Variants in SANBR observed in about 807,000 individuals in gnomAD.
The protein encoded by SANBR is SANT and BTB domain regulator of CSR.
A neutral mutation model predicts 101.8 loss-of-function variants in SANBR; 77 were observed. That is an observed-to-expected ratio of 0.76 (90% CI 0.63 to 0.91). The LOEUF (loss-of-function observed/expected upper bound fraction) is 0.91, where lower values mean the gene tolerates loss of function less well. Ranked by LOEUF, SANBR falls within the 40% of genes least tolerant of loss-of-function variation. The pLI is 0.00. For missense variants in SANBR, 875 were observed against 853.0 expected (o/e 1.03, Z -0.32); for synonymous variants, 279 against 274.7 (o/e 1.02, Z -0.15).
chr2:61,081,242 C>T (rs1010776755), intron 6 of SANBR, among the ~76,000 whole-genome samples: 11 of 151,974 alleles, frequency 7.2e-5, no homozygotes, highest in South Asian at 2.1e-4. Context: ...ATGAATCTAA[C>T]GCCAGGGTAA....
chr2:61,129,537 T>A (rs1224994105), intron 20 of SANBR, among the ~76,000 whole-genome samples: 1 of 152,076 alleles, frequency 6.6e-6, no homozygotes, highest in Non-Finnish European at 1.5e-5. Context: ...ACGACATGCA[T>A]ATTTCTTTTC....
At chr2:61,092,666 A>G in intron 11 of SANBR, 79 bp downstream of exon 11, 1 of 1,143,470 alleles carries the variant, frequency 8.7e-7, no homozygotes, top group Non-Finnish European at 1.2e-6. Context: ...TTTAATTGAT[A>G]TGTTTAAATG....
At chr2:61,112,769 A>G (rs953461873) in intron 16 of SANBR, among the ~76,000 whole-genome samples, 1 of 152,238 alleles carries the variant, frequency 6.6e-6, no homozygotes, top group African/African-American at 2.4e-5. Flanking sequence ...CTGGGATTAC[A>G]GGCATGAGCC....
Position 61,071,708 on chromosome 2 carries a change from G to T in SANBR, c.253G>T (p.Ala85Ser). The change falls in exon 4 of 22, where the codon GCC becomes TCC. Residue 85 changes from alanine to serine, a missense_variant. Transcript: ENST00000402291. Reference sequence around the variant, plus strand: ...TGGAGAGAGTCCTGTTGAAACTTTAGCCACATATATCAAATCCTCACTTCT... The same window carrying T: ...TGGAGAGAGTCCTGTTGAAACTTTATCCACATATATCAAATCCTCACTTCT... ...AAGESPVETLATYIKSSLLDI... is the reference protein window; with the variant it reads ...AAGESPVETLSTYIKSSLLDI... 6.2e-7 allele frequency: 1 copy of T among 1,608,086 alleles called. No homozygotes were observed. The highest frequency in any genetic ancestry group is 8.5e-7 in the Non-Finnish European group (1 of 1,177,964).
chr2:61,067,578 A>G (rs929688790), intron 1 of SANBR, among the ~76,000 whole-genome samples: 6 of 152,170 alleles, frequency 3.9e-5, no homozygotes, highest in Admixed American at 1.3e-4. Flanking sequence ...TCTACTAAAA[A>G]TACAAAAATT....
At chr2:61,128,258 C>T (rs900698451), downstream of SANBR, among the ~76,000 whole-genome samples, 8 of 146,064 alleles carry the variant, frequency 5.5e-5, no homozygotes, top group African/African-American at 7.7e-5. Flanking sequence ...GGTGACACAG[C>T]GAGACTCTGT....
intron 21 of SANBR, among the ~76,000 whole-genome samples, chr2:61,134,552 AT>A (rs1158943963): frequency 6.6e-6 from 1 of 152,130 alleles, no homozygotes; most frequent in Non-Finnish European, 1.5e-5. Flanking sequence ...TTTTGTTGTT[AT>A]TGGTCTTGTT....
intron 12 of SANBR, among the ~76,000 whole-genome samples, chr2:61,101,491 T>C (rs112575681): frequency 6.6e-6 from 1 of 152,134 alleles, no homozygotes; most frequent in East Asian, 1.9e-4. Flanking sequence ...CCCAGCACTT[T>C]GGGAGGCTGA....
chr2:61,109,684 T>A (rs1399960981), intron 16 of SANBR, among the ~76,000 whole-genome samples: 1 of 146,670 alleles, frequency 6.8e-6, no homozygotes, highest in Non-Finnish European at 1.5e-5. Context: ...TGTGTTTGTT[T>A]TTTTTTTTTT....
downstream of SANBR, among the ~76,000 whole-genome samples, chr2:61,125,358 T>C (rs1684484187): frequency 6.6e-6 from 1 of 152,212 alleles, no homozygotes; most frequent in South Asian, 2.1e-4. Flanking sequence ...GTATATGTAT[T>C]TAGTGCAAGA....
chr2:61,067,937 C>A (rs1158540998), intron 1 of SANBR, among the ~76,000 whole-genome samples: 1 of 152,204 alleles, frequency 6.6e-6, no homozygotes, highest in Non-Finnish European at 1.5e-5. Context: ...TGCACATCCC[C>A]ATCTATACTT....
chr2:61,088,492 C>A (rs1348128829), intron 10 of SANBR, 24 bp downstream of exon 10: 1 of 1,383,926 alleles, frequency 7.2e-7, no homozygotes, highest in Non-Finnish European at 1.0e-6. Flanking sequence ...AAAATACATA[C>A]ATGTATTTTT....
At position 61,123,688 on chromosome 2, in the gene SANBR, C is replaced by A; in HGVS notation, c.*1526C>A. On this transcript the variant is annotated 3_prime_UTR_variant, in exon 22 of 22. Coordinates refer to ENST00000402291, the MANE Select transcript of SANBR (RefSeq NM_001129993.3). ...ACTAGATAAGGAAAAAATATATATG[C>A]TCTTTTGATTTTTAACTGATGGTAA... is the stretch of plus-strand genomic sequence containing the variant. 1 of 984,986 alleles carries A rather than the reference C, an allele frequency of 1.0e-6. No homozygotes were observed. Among genetic ancestry groups the A allele is most frequent in the Non-Finnish European group, 1.2e-6 (1 of 829,428 alleles). 61.0% of individuals were successfully genotyped at this position (984,986 alleles called of 1,614,324 possible).
chr2:61,120,785 A>G (rs1333945591), intron 20 of SANBR, among the ~76,000 whole-genome samples: 1 of 152,220 alleles, frequency 6.6e-6, no homozygotes, highest in Non-Finnish European at 1.5e-5. Context: ...CTATATGTGA[A>G]AGAAGCTAGA....
chr2:61,072,532 A>C (rs1229018965), intron 4 of SANBR, among the ~76,000 whole-genome samples: 1 of 152,176 alleles, frequency 6.6e-6, no homozygotes, highest in Non-Finnish European at 1.5e-5. Flanking sequence ...AGCTTTGATC[A>C]AGCCACTGCT....
In SANBR at chr2:61,113,876, C is replaced by T. The variant is rs117614460; in HGVS notation, c.1745-2103C>T. Among the ~76,000 whole-genome samples, 14 of 152,280 alleles carry T rather than the reference C, an allele frequency of 9.2e-5. No homozygotes were observed. The East Asian group carries it at 2.1e-3, about 23-fold the overall frequency. On this transcript the variant is annotated intron_variant, in intron 16 of 21. Transcript: ENST00000402291. ...TTAAGTATGTAATGTCAGTTGTCAG[C>T]TTCCCATAAATGTCCTTTCTCAGTT...
At chr2:61,133,124 T>A (rs1018001551) in intron 20 of SANBR, among the ~76,000 whole-genome samples, 4 of 152,078 alleles carry the variant, frequency 2.6e-5, no homozygotes, top group Non-Finnish European at 1.5e-5. Flanking sequence ...TGGTGGTGCA[T>A]TCCTGTAATC....
chr2:61,067,681 A>G (rs1342531814), intron 1 of SANBR, among the ~76,000 whole-genome samples: 1 of 152,196 alleles, frequency 6.6e-6, no homozygotes, highest in Non-Finnish European at 1.5e-5. Flanking sequence ...GGTTGCAGTG[A>G]GCCGAGATCG....
chr2:61,092,827 T>A (rs138921090), intron 11 of SANBR, among the ~76,000 whole-genome samples: 1 of 152,038 alleles, frequency 6.6e-6, no homozygotes, highest in East Asian at 1.9e-4. Context: ...ATAGTGAGAC[T>A]CCATCTCTTA....
Sources: gnomAD v4.1 joint callset for allele counts (sites outside exome capture counted in the v4.1 genomes callset) on GRCh38, gnomAD v4.1.1 for gene constraint, MANE v1.5 for transcripts, NCBI Gene and HGNC (gene_info 2026-07-23, HGNC 2026-07-21) for gene names.